The following TRNT1 variants were observed in gnomAD, a reference collection of about 807,000 sequenced individuals.
TRNT1 encodes tRNA nucleotidyl transferase 1.
TRNT1 carries 44 observed loss-of-function variants against 45.6 expected under a neutral mutation model. The ratio of observed to expected loss-of-function variants is 0.97; its 90% CI spans 0.76 to 1.24. The LOEUF (loss-of-function observed/expected upper bound fraction) is 1.24. Ranked by LOEUF, TRNT1 falls within the 50% of genes most tolerant of loss-of-function variation. TRNT1 has a pLI of 0.00. For synonymous variants in TRNT1, 201 were observed against 171.4 expected (o/e 1.17, Z -1.35); for missense variants, 633 against 504.4 (o/e 1.25, Z -2.44).
chr3:3,143,570 C>T (rs756845626), intron 4 of TRNT1, among the ~76,000 whole-genome samples: 17 of 152,134 alleles, frequency 1.1e-4, no homozygotes, highest in Non-Finnish European at 1.8e-4. Context: ...ATCTGAAAGA[C>T]GCTATCTTGG....
In TRNT1 at chr3:3,147,578, T is replaced by G; in HGVS notation, c.931T>G (p.Leu311Val). Reference sequence around the variant, plus strand: ...ACAAGATGATGTCACAAAATTGGATTTGAGGTTGAAGATCGCAAAAGAGGA... The same window carrying G: ...ACAAGATGATGTCACAAAATTGGATGTGAGGTTGAAGATCGCAAAAGAGGA... ...KVQDDVTKLDLRLKIAKEEKN... is the reference protein window; with the variant it reads ...KVQDDVTKLDVRLKIAKEEKN... Residue 311 changes from leucine (L) to valine (V), a missense_variant, in exon 7 of 8, where the codon TTG (leucine) becomes GTG (valine). By Grantham distance (32) the Leu-to-Val change is conservative. Coordinates refer to ENST00000251607, the MANE Select transcript of TRNT1 (RefSeq NM_182916.3). 3 of 1,613,958 alleles carry G rather than the reference T, an allele frequency of 1.9e-6. No individual in the cohort carries two copies. Among genetic ancestry groups the G allele is most frequent in the African/African-American group, 2.7e-5 (2 of 75,022 alleles).
intron 1 of TRNT1, chr3:3,127,286 G>C (rs928351038): frequency 8.5e-5 from 13 of 152,318 alleles, no homozygotes; most frequent in Admixed American, 2.0e-4. Context: ...ACCCGGCGTG[G>C]GGGGTGAGAC....
chr3:3,129,138 A>T lies in TRNT1; in HGVS notation c.98A>T (p.Gln33Leu), dbSNP rs747752341. 6.2e-7 allele frequency: 1 copy of T among 1,614,128 alleles called. No individual in the cohort carries two copies. The highest frequency in any genetic ancestry group is 8.5e-7 in the Non-Finnish European group (1 of 1,179,968). Residue 33 changes from glutamine (Q) to leucine (L), a missense_variant, in exon 2 of 8, where the codon CAG becomes CTG. Physicochemically the swap from Gln to Leu is moderately radical, Grantham distance 113 (BLOSUM62 -2). Coordinates refer to ENST00000251607, the MANE Select transcript of TRNT1 (RefSeq NM_182916.3). ...PKQYLFTMKL[Q>L]SPEFQSLFTE... ...CAGTATCTATTCACAATGAAGTTGC[A>T]GTCTCCCGAATTCCAGTCACTTTTC...
At chr3:3,137,684 A>G (rs939254671) in intron 3 of TRNT1, among the ~76,000 whole-genome samples, 1 of 150,120 alleles carries the variant, frequency 6.7e-6, no homozygotes, top group African/African-American at 2.5e-5. Context: ...TTCAGTTTTT[A>G]CTATCCCAGT....
At chr3:3,150,682 C>T (rs995972921), downstream of TRNT1, 22 of 601,990 alleles carry the variant, frequency 3.7e-5, no homozygotes, top group Admixed American at 9.0e-5. Flanking sequence ...TGCTTGTTTC[C>T]TAAAGTATAC....
chr3:3,129,793 A>G (rs1704885538), intron 2 of TRNT1: 1 of 1,361,102 alleles, frequency 7.3e-7, no homozygotes, highest in African/African-American at 1.4e-5. Context: ...AAGGAAACAG[A>G]TTGTTAGGCA....
chr3:3,140,670 A>G lies in TRNT1; in HGVS notation c.481+22A>G, dbSNP rs758502487. 2.5e-6 allele frequency: 4 copies of G among 1,610,762 alleles called. No homozygotes were observed. The South Asian group carries it at 3.3e-5, about 13-fold the overall frequency. ...TTAGGTAATATTTGCAGATAAAACC[A>G]TATTGTGAGTCTATCAGAATGCCTT... On this transcript the variant is annotated intron_variant, in intron 4 of 7. Transcript: ENST00000251607.
chr3:3,129,916 T>G, intron 2 of TRNT1: 1 of 1,550,636 alleles, frequency 6.4e-7, no homozygotes, highest in Non-Finnish European at 8.7e-7. Context: ...GTTTCCTTCC[T>G]AGGTATAAAT....
chr3:3,145,785 C>G (rs2126033544), intron 5 of TRNT1, among the ~76,000 whole-genome samples: 1 of 152,044 alleles, frequency 6.6e-6, no homozygotes, highest in African/African-American at 2.4e-5. Context: ...TAAGACTTAG[C>G]TGTATTTGTA....
intron 4 of TRNT1, 152 bp downstream of exon 4, chr3:3,140,800 C>G (rs544933070): frequency 9.9e-7 from 1 of 1,013,576 alleles, no homozygotes; most frequent in African/African-American, 1.6e-5. Flanking sequence ...AATAGTCCCT[C>G]AGCCGGGCAC....
chr3:3,133,280 G>T lies in TRNT1; in HGVS notation c.149-3980G>T, dbSNP rs969201653. Among the ~76,000 whole-genome samples the T allele has an allele frequency of 5.3e-5, 8 of 152,122 alleles. 1 individual carries two copies. In the East Asian group the frequency reaches 1.2e-3, roughly 22 times the overall value. ...AGAAGATTATTTCCCAGCTAGCTGT[G>T]GTAGCTCATGCCTATAATCTCCCAG... On this transcript the variant is annotated intron_variant, in intron 2 of 7. Coordinates refer to ENST00000251607, the MANE Select transcript of TRNT1 (RefSeq NM_182916.3).
intron 2 of TRNT1, chr3:3,129,772 G>C (rs1183338781): frequency 1.7e-6 from 2 of 1,180,350 alleles, no homozygotes; most frequent in East Asian, 2.5e-5. Flanking sequence ...ATTTTGACCT[G>C]TTACGTGAAA....
downstream of TRNT1, among the ~76,000 whole-genome samples, chr3:3,151,581 G>GTAAT: frequency 6.6e-6 from 1 of 152,260 alleles, no homozygotes; most frequent in African/African-American, 2.4e-5. Flanking sequence ...GATAAACCAT[G>GTAAT]TAATTGCAAC....
At chr3:3,134,204 C>T (rs1048992860) in intron 2 of TRNT1, among the ~76,000 whole-genome samples, 2 of 152,096 alleles carry the variant, frequency 1.3e-5, no homozygotes, top group South Asian at 4.1e-4. Context: ...TTGACTGCCT[C>T]CCTGTTTCTG....
Position 3,146,481 on chromosome 3 carries a change from G to C in TRNT1, c.660G>C (p.Leu220Phe). 1 of 1,613,938 alleles carries C rather than the reference G, an allele frequency of 6.2e-7. No homozygotes were observed. Among genetic ancestry groups the C allele is most frequent in the South Asian group, 1.1e-5 (1 of 91,044 alleles). ...DKPGDHDPET[L>F]EAIAENAKGL... ...CTGGTGACCATGATCCTGAGACTTT[G>C]GAAGCAATTGCAGAAAATGCAAAAG... The change falls in exon 6 of 8, where the codon TTG (leucine) becomes TTC (phenylalanine). Residue 220 changes from leucine (L) to phenylalanine (F), a missense_variant. By Grantham distance (22) the Leu-to-Phe change is conservative. Coordinates refer to ENST00000251607, the MANE Select transcript of TRNT1 (RefSeq NM_182916.3).
chr3:3,141,988 T>C (rs903322226), intron 4 of TRNT1, among the ~76,000 whole-genome samples: 4 of 152,218 alleles, frequency 2.6e-5, no homozygotes, highest in East Asian at 3.8e-4. Context: ...CTGAGAGATA[T>C]TAAGTAACTT....
In TRNT1 at chr3:3,147,957, G is replaced by C; in HGVS notation, c.1108G>C (p.Gly370Arg). 1 of 1,614,012 alleles carries C rather than the reference G, an allele frequency of 6.2e-7. No individual in the cohort carries two copies. The change falls in exon 8 of 8, where the codon GGA (glycine) becomes CGA (arginine). Residue 370 changes from glycine to arginine, a missense_variant. Gly to Arg is a moderately radical substitution (Grantham distance 125, BLOSUM62 -2). Transcript: ENST00000251607. ...TGTATGTGAACTACTGAAGTACCAA[G>C]GAGAGCACTGTCTCCTAAAGGAAAT... ...TRVCELLKYQGEHCLLKEMQQ... is the reference protein window; with the variant it reads ...TRVCELLKYQREHCLLKEMQQ...
At chr3:3,142,182 T>C (rs1705693752) in intron 4 of TRNT1, among the ~76,000 whole-genome samples, 1 of 152,214 alleles carries the variant, frequency 6.6e-6, no homozygotes, top group African/African-American at 2.4e-5. Context: ...GAGTCTTGTC[T>C]AACTGGCTTC....
chr3:3,132,967 A>C lies in TRNT1; in HGVS notation c.148+3779A>C, dbSNP rs544622671. Among the ~76,000 whole-genome samples the C allele has an allele frequency of 4.6e-5, 7 of 152,264 alleles. 1 individual carries two copies. In the East Asian group the frequency reaches 1.4e-3, roughly 30 times the overall value. On this transcript the variant is annotated intron_variant, in intron 2 of 7. Coordinates refer to ENST00000251607, the MANE Select transcript of TRNT1 (RefSeq NM_182916.3). ...TTAGTGCAATGATCAACAAGTTAGA[A>C]TGTCAAAGACTTGGGTGCCCTGGTA...
Sources: allele counts gnomAD v4.1 joint callset (sites outside exome capture counted in the v4.1 genomes callset), GRCh38; gene constraint gnomAD v4.1.1; transcripts MANE v1.5; gene names NCBI Gene and HGNC (gene_info 2026-07-23, HGNC 2026-07-21).